The following SCAPER variants were observed in gnomAD, a reference collection of about 807,000 sequenced individuals.
SCAPER encodes the protein S phase cyclin A-associated protein in the endoplasmic reticulum.
Under a neutral mutation model 182.2 loss-of-function variants are expected in SCAPER, and 98 were observed. That is an observed-to-expected ratio of 0.54 (90% CI 0.46 to 0.64). The LOEUF is 0.64. Among genes scored for constraint, SCAPER ranks in the 30% least tolerant of loss-of-function variants. The pLI, the probability that SCAPER is intolerant of heterozygous loss-of-function variation, is 0.00. For synonymous variants in SCAPER, 605 were observed against 564.6 expected, an observed-to-expected ratio of 1.07 and a Z score of -1.01; for missense variants, 1,432 against 1,690.0, an observed-to-expected ratio of 0.85 and a Z score of 2.68.
At chr15:76,471,004 T>C in intron 25 of SCAPER, 1 of 377,344 alleles carries the variant, frequency 2.7e-6, no homozygotes. Flanking sequence ...TATTGGAACT[T>C]AAAAGAATCC....
At chr15:76,362,794 C>T (rs2041538384) in intron 29 of SCAPER, among the ~76,000 whole-genome samples, 1 of 152,152 alleles carries the variant, frequency 6.6e-6, no homozygotes, top group African/African-American at 2.4e-5. Flanking sequence ...ATTCCCAGCT[C>T]TTTAGAACTC....
At chr15:76,626,583 G>A (rs2052594417) in intron 21 of SCAPER, among the ~76,000 whole-genome samples, 1 of 152,184 alleles carries the variant, frequency 6.6e-6, no homozygotes, top group Non-Finnish European at 1.5e-5. Context: ...TGGGTGTGGT[G>A]GCGCACGCCT....
chr15:76,852,805 C>A (rs1182986896), intron 4 of SCAPER, among the ~76,000 whole-genome samples: 2 of 151,942 alleles, frequency 1.3e-5, no homozygotes, highest in African/African-American at 2.4e-5. Context: ...GCAAATCAAC[C>A]CCAAAACTAG....
intron 8 of SCAPER, among the ~76,000 whole-genome samples, chr15:76,791,137 C>T (rs1454825731): frequency 1.3e-5 from 2 of 152,188 alleles, no homozygotes; most frequent in Non-Finnish European, 2.9e-5. Flanking sequence ...TTTAATCCCA[C>T]TGTGATCAGC....
chr15:76,785,947 G>A (rs1045906660), intron 8 of SCAPER, among the ~76,000 whole-genome samples: 3 of 152,070 alleles, frequency 2.0e-5, no homozygotes, highest in African/African-American at 7.2e-5. Flanking sequence ...GATGGGTGCA[G>A]TACACCAACA....
chr15:76,750,955 C>A (rs143162696), intron 15 of SCAPER, among the ~76,000 whole-genome samples: 14 of 151,734 alleles, frequency 9.2e-5, no homozygotes, highest in African/African-American at 3.1e-4. Flanking sequence ...TCTTTGTTCA[C>A]AGATGATATG....
intron 9 of SCAPER, 55 bp downstream of exon 9, chr15:76,774,800 C>T: frequency 6.6e-7 from 1 of 1,522,298 alleles, no homozygotes; most frequent in Admixed American, 2.1e-5. Context: ...TTCCAGTACA[C>T]ATGTACACAT....
intron 1 of SCAPER, among the ~76,000 whole-genome samples, chr15:76,890,765 C>T (rs1346395497): frequency 6.6e-6 from 1 of 152,228 alleles, no homozygotes; most frequent in Admixed American, 6.5e-5. Context: ...ACCATTCCTT[C>T]TGAAACTATT....
chr15:76,809,481 AG>A (rs1273535720), intron 5 of SCAPER, among the ~76,000 whole-genome samples: 1 of 152,158 alleles, frequency 6.6e-6, no homozygotes, highest in Non-Finnish European at 1.5e-5. Flanking sequence ...ATTTTAATAT[AG>A]GGGTTAAACA....
chr15:76,382,353 AT>A (rs1319528624), intron 27 of SCAPER, among the ~76,000 whole-genome samples: 1 of 141,840 alleles, frequency 7.1e-6, no homozygotes, highest in Admixed American at 7.2e-5. Context: ...GGTATTTTTT[AT>A]TTTTTTCTTT....
At chr15:76,621,235 C>G (rs1346192508) in intron 22 of SCAPER, among the ~76,000 whole-genome samples, 4 of 152,080 alleles carry the variant, frequency 2.6e-5, no homozygotes, top group Non-Finnish European at 5.9e-5. Flanking sequence ...AATGATGATG[C>G]CTTTGTTTAC....
chr15:76,855,199 G>C (rs2071215608), intron 4 of SCAPER, among the ~76,000 whole-genome samples: 1 of 152,046 alleles, frequency 6.6e-6, no homozygotes, highest in Non-Finnish European at 1.5e-5. Context: ...TCAACAAATG[G>C]TGTTGAGATA....
intron 25 of SCAPER, among the ~76,000 whole-genome samples, chr15:76,456,345 C>T (rs1233342272): frequency 6.6e-6 from 1 of 152,148 alleles, no homozygotes; most frequent in East Asian, 1.9e-4. Context: ...TTTCCTGATG[C>T]TATATTTTCA....
At chr15:76,673,525 A>G (rs1435857601) in intron 20 of SCAPER, among the ~76,000 whole-genome samples, 1 of 152,118 alleles carries the variant, frequency 6.6e-6, no homozygotes, top group African/African-American at 2.4e-5. Context: ...TTATAATTCT[A>G]TCATCTCTTC....
At chr15:76,874,045 A>G (rs1428761666) in intron 2 of SCAPER, among the ~76,000 whole-genome samples, 1 of 152,078 alleles carries the variant, frequency 6.6e-6, no homozygotes, top group Non-Finnish European at 1.5e-5. Context: ...GGCGCCCAGC[A>G]CCACGCCTGG....
At chr15:76,457,600 A>G (rs954011625) in intron 25 of SCAPER, among the ~76,000 whole-genome samples, 2 of 152,208 alleles carry the variant, frequency 1.3e-5, no homozygotes, top group Non-Finnish European at 1.5e-5. Context: ...AACTTCTCAC[A>G]GTCTCCTTAA....
chr15:76,747,785 A>G lies in SCAPER; in HGVS notation c.1866+6023T>C, dbSNP rs572358793. The stretch of plus-strand genomic sequence containing the variant: ...TTCACCTTCTGCCATCAGTGAAGTC[A>G]GCCTGAGGCCCTCACCAAAAGTAGA... On this transcript the variant is annotated intron_variant, in intron 15 of 31. Coordinates refer to ENST00000563290, the MANE Select transcript of SCAPER (RefSeq NM_020843.4). Among the ~76,000 whole-genome samples the G allele has an allele frequency of 5.9e-5, 9 of 152,192 alleles. No individual in the cohort carries two copies. In the South Asian group the frequency reaches 1.9e-3, roughly 32 times the overall value.
intron 14 of SCAPER, among the ~76,000 whole-genome samples, chr15:76,762,222 T>TG (rs1032270376): frequency 3.7e-4 from 57 of 152,276 alleles, no homozygotes; most frequent in Middle Eastern, 3.4e-3. Flanking sequence ...GCCCTTTGAT[T>TG]GGGGAGTTTA....
intron 20 of SCAPER, among the ~76,000 whole-genome samples, chr15:76,673,655 A>G (rs1213343544): frequency 6.6e-6 from 1 of 152,188 alleles, no homozygotes; most frequent in African/African-American, 2.4e-5. Context: ...AATTCTGTTC[A>G]CAATGATCAA....
Sources: gnomAD v4.1 joint callset for allele counts (sites outside exome capture counted in the v4.1 genomes callset) on GRCh38, gnomAD v4.1.1 for gene constraint, MANE v1.5 for transcripts, NCBI Gene and HGNC (gene_info 2026-07-23, HGNC 2026-07-21) for gene names.